PHLPP1: variants seen among roughly 807,000 people sequenced by gnomAD.
PHLPP1 encodes the protein PH domain and leucine rich repeat protein phosphatase 1.
Under a neutral mutation model 117.2 loss-of-function variants are expected in PHLPP1, and 42 were observed. The ratio of observed to expected loss-of-function variants is 0.36; its 90% confidence interval spans 0.28 to 0.46. The LOEUF is 0.46. Among genes scored for constraint, PHLPP1 ranks in the 20% least tolerant of loss-of-function variants. The probability of loss-of-function intolerance (pLI) is 1.00; values close to 1 mark genes in which losing one functional copy is unlikely to be tolerated. For missense variants in PHLPP1, 2,084 were observed against 2,241.9 expected (o/e 0.93, Z 1.42); for synonymous variants, 1,042 against 970.7 (o/e 1.07, Z -1.37).
chr18:62,795,035 T>A (rs1229308154), intron 1 of PHLPP1, among the ~76,000 whole-genome samples: 3 of 152,184 alleles, frequency 2.0e-5, no homozygotes, highest in Non-Finnish European at 2.9e-5. Flanking sequence ...TGAAATCTGC[T>A]TTGATACTGC....
At chr18:62,885,127 T>C (rs989300535) in intron 4 of PHLPP1, among the ~76,000 whole-genome samples, 1 of 152,234 alleles carries the variant, frequency 6.6e-6, no homozygotes, top group Admixed American at 6.5e-5. Context: ...TGAAAAAGAT[T>C]AAGCACATCT....
chr18:62,823,789 C>T (rs1016743262), intron 1 of PHLPP1, among the ~76,000 whole-genome samples: 1 of 152,090 alleles, frequency 6.6e-6, no homozygotes, highest in African/African-American at 2.4e-5. Context: ...GGGAATGCAA[C>T]TTAAAACCAT....
chr18:62,867,247 T>C (rs1156848275), intron 4 of PHLPP1, among the ~76,000 whole-genome samples: 1 of 152,216 alleles, frequency 6.6e-6, no homozygotes, highest in Non-Finnish European at 1.5e-5. Flanking sequence ...AAATATTATG[T>C]GTATACTGCT....
In PHLPP1 at chr18:62,895,075, T is replaced by G. The variant is rs778127349; in HGVS notation, c.2131T>G (p.Cys711Gly). The G allele has an allele frequency of 1.2e-6, 2 of 1,613,732 alleles. No homozygotes were observed. The highest frequency in any genetic ancestry group is 2.2e-5 in the South Asian group (2 of 91,072). ...TTTAGGGGACTTCCCACTGGCAGTC[T>G]GCAGTATTCCAACCCTGGCAGAGCT... ...NHLGDFPLAV[C>G]SIPTLAELNV... Residue 711 changes from cysteine (C) to glycine (G), a missense_variant, in exon 5 of 17, where the codon TGC becomes GGC. Cys to Gly is a radical substitution (Grantham distance 159). Transcript: ENST00000262719.
chr18:62,723,546 G>A (rs1910983871), intron 1 of PHLPP1, among the ~76,000 whole-genome samples: 1 of 152,178 alleles, frequency 6.6e-6, no homozygotes, highest in South Asian at 2.1e-4. Flanking sequence ...AGACATCTGA[G>A]GAAGAGCAGG....
At chr18:62,826,526 A>G (rs1158539522) in intron 1 of PHLPP1, among the ~76,000 whole-genome samples, 2 of 152,156 alleles carry the variant, frequency 1.3e-5, no homozygotes, top group Admixed American at 6.5e-5. Context: ...CTACATTTTT[A>G]TAGATTTTGC....
chr18:62,801,537 C>T (rs1346675704), intron 1 of PHLPP1, among the ~76,000 whole-genome samples: 1 of 152,114 alleles, frequency 6.6e-6, no homozygotes, highest in Non-Finnish European at 1.5e-5. Context: ...ACTGCAACCT[C>T]TGCCTCCCGG....
rs150639287 is a variant in PHLPP1, at chr18:62,741,892, G to C, written c.1576+24633G>C. ...AGTGTGAATATAGTGTACTGATTGA[G>C]AATATCAGGAAATTGTAAGGGGCCA... On this transcript the variant is annotated intron_variant, in intron 1 of 16. Coordinates refer to ENST00000262719, the MANE Select transcript of PHLPP1 (RefSeq NM_194449.4). Among the ~76,000 whole-genome samples, 477 of 151,900 alleles carry C rather than the reference G, an allele frequency of 3.1e-3. 20 individuals are homozygous for C. The highest frequency in any genetic ancestry group is 2.9e-4 in the Non-Finnish European group (20 of 67,952).
At chr18:62,737,514 A>G (rs1911404704) in intron 1 of PHLPP1, among the ~76,000 whole-genome samples, 2 of 152,212 alleles carry the variant, frequency 1.3e-5, no homozygotes. Flanking sequence ...TTTGATAAAC[A>G]TGTTTTGACT....
intron 1 of PHLPP1, among the ~76,000 whole-genome samples, chr18:62,764,805 G>A (rs919522597): frequency 6.6e-6 from 1 of 152,188 alleles, no homozygotes; most frequent in African/African-American, 2.4e-5. Flanking sequence ...TTGGCTATTT[G>A]CCATATCCAC....
chr18:62,921,564 T>C (rs1909471356), intron 10 of PHLPP1, among the ~76,000 whole-genome samples: 1 of 152,236 alleles, frequency 6.6e-6, no homozygotes, highest in Non-Finnish European at 1.5e-5. Context: ...ATGTGGCCAG[T>C]GACTGTGTCT....
chr18:62,734,902 G>T (rs1911327960), intron 1 of PHLPP1, among the ~76,000 whole-genome samples: 1 of 152,156 alleles, frequency 6.6e-6, no homozygotes, highest in Non-Finnish European at 1.5e-5. Flanking sequence ...ATTGGCCCTT[G>T]TGATTATGAA....
intron 1 of PHLPP1, among the ~76,000 whole-genome samples, chr18:62,759,407 T>A (rs1274487797): frequency 6.6e-6 from 1 of 152,240 alleles, no homozygotes; most frequent in East Asian, 1.9e-4. Flanking sequence ...AGCTAAAATG[T>A]TTCTGAATTT....
At chr18:62,891,726 C>CAAA (rs140328581) in intron 4 of PHLPP1, among the ~76,000 whole-genome samples, 7 of 123,076 alleles carry the variant, frequency 5.7e-5, no homozygotes, top group Non-Finnish European at 1.0e-4. Flanking sequence ...TTCGTCTCTA[C>CAAA]AAAAAAAAAA....
At chr18:62,833,669 T>G (rs1182253886) in intron 2 of PHLPP1, among the ~76,000 whole-genome samples, 1 of 152,232 alleles carries the variant, frequency 6.6e-6, no homozygotes, top group Non-Finnish European at 1.5e-5. Flanking sequence ...GTAATTGAAT[T>G]TATTCACCTA....
At chr18:62,862,305 T>G (rs1157349808) in intron 4 of PHLPP1, among the ~76,000 whole-genome samples, 1 of 152,082 alleles carries the variant, frequency 6.6e-6, no homozygotes, top group Non-Finnish European at 1.5e-5. Flanking sequence ...GGTCTCGAAC[T>G]CCTGACCTGA....
At chr18:62,905,621 T>C (rs1599113448) in intron 8 of PHLPP1, among the ~76,000 whole-genome samples, 1 of 152,172 alleles carries the variant, frequency 6.6e-6, no homozygotes, top group African/African-American at 2.4e-5. Flanking sequence ...TAATTTTATT[T>C]TTTATTTTCA....
chr18:62,803,196 A>G (rs1452259206), intron 1 of PHLPP1, among the ~76,000 whole-genome samples: 1 of 152,336 alleles, frequency 6.6e-6, no homozygotes, highest in African/African-American at 2.4e-5. Flanking sequence ...ATTTTAATTT[A>G]AACATTTGTC....
chr18:62,752,567 A>G (rs1192342524), intron 1 of PHLPP1, among the ~76,000 whole-genome samples: 1 of 152,236 alleles, frequency 6.6e-6, no homozygotes, highest in East Asian at 1.9e-4. Flanking sequence ...GTGGTAGAAA[A>G]TAGATAAAGA....
Sources: allele counts gnomAD v4.1 joint callset (sites outside exome capture counted in the v4.1 genomes callset), GRCh38; gene constraint gnomAD v4.1.1; transcripts MANE v1.5; gene names NCBI Gene and HGNC (gene_info 2026-07-23, HGNC 2026-07-21).